The following MAP2K5 variants were observed in gnomAD, a reference collection of about 807,000 sequenced individuals.
The protein encoded by MAP2K5 is dual specificity mitogen-activated protein kinase kinase 5.
In MAP2K5, 49 loss-of-function variants were observed where a neutral mutation model predicts 83.1. The ratio of observed to expected loss-of-function variants is 0.59; its 90% CI spans 0.47 to 0.75. The LOEUF (loss-of-function observed/expected upper bound fraction) is 0.75, where lower values mean the gene tolerates loss of function less well. MAP2K5 is among the 30% of genes least tolerant of loss of function. The probability of loss-of-function intolerance (pLI) is 0.00; values close to 1 mark genes in which losing one functional copy is unlikely to be tolerated. For missense variants in MAP2K5, 457 were observed against 557.5 expected, an observed-to-expected ratio of 0.82 and a Z score of 1.82; for synonymous variants, 202 against 191.8, an observed-to-expected ratio of 1.05 and a Z score of -0.44.
intron 15 of MAP2K5, among the ~76,000 whole-genome samples, chr15:67,700,146 G>A (rs920575544): frequency 7.2e-5 from 11 of 152,078 alleles, no homozygotes; most frequent in East Asian, 1.9e-4. Flanking sequence ...GACAAATATC[G>A]TTGTAAACAG....
At chr15:67,603,310 A>C (rs1296918524) in intron 8 of MAP2K5, among the ~76,000 whole-genome samples, 1 of 152,218 alleles carries the variant, frequency 6.6e-6, no homozygotes. Context: ...ACTATGTCAA[A>C]GGGACCATTC....
intron 7 of MAP2K5, among the ~76,000 whole-genome samples, chr15:67,596,454 A>AG (rs1276831602): frequency 6.6e-6 from 1 of 152,220 alleles, no homozygotes; most frequent in Non-Finnish European, 1.5e-5. Context: ...TTTTGTATAT[A>AG]GAAAAAAAAG....
At chr15:67,606,245 A>T (rs1019938117) in intron 8 of MAP2K5, among the ~76,000 whole-genome samples, 24 of 152,068 alleles carry the variant, frequency 1.6e-4, no homozygotes, top group Non-Finnish European at 2.8e-4. Context: ...CTTTTATATT[A>T]TTTTTTCCTT....
intron 9 of MAP2K5, chr15:67,642,644 G>A (rs1729044170): frequency 1.5e-6 from 1 of 650,086 alleles, no homozygotes; most frequent in Admixed American, 2.4e-5. Context: ...GGAAAGCACA[G>A]GATATGTGTG....
chr15:67,720,741 A>T lies in MAP2K5; in HGVS notation c.1045-7175A>T, dbSNP rs17243334. On this transcript the variant is annotated intron_variant, in intron 16 of 21. Coordinates refer to ENST00000178640, the MANE Select transcript of MAP2K5 (RefSeq NM_145160.3). This position sits in a 1 kb window ranked among gnomAD's most constrained non-coding sequence, Gnocchi z 5.7. The stretch of plus-strand genomic sequence containing the variant: ...GACCATAACTTCCAGTAATTAGTGT[A>T]TTTTATGGGCCTTTGCTTCAGTGGC... Among the ~76,000 whole-genome samples, 1 of 152,114 alleles carries T rather than the reference A, an allele frequency of 6.6e-6. No homozygotes were observed. The highest frequency in any genetic ancestry group is 1.9e-4 in the East Asian group (1 of 5,180).
rs1231361470 is a variant in MAP2K5, at chr15:67,653,286, TA to T, written c.737-5266del. 3.4e-3 allele frequency among the ~76,000 whole-genome samples: 174 copies of T among 51,622 alleles called. 1 individual carries two copies. The highest frequency in any genetic ancestry group is 0.011 in the African/African-American group (164 of 14,408). 33.9% of individuals were successfully genotyped at this position (51,622 alleles called of 152,430 possible). Reference sequence around the variant, plus strand: ...AGTTTGTCAGTTTCTCTGTTTAAAATATTTTTTTTTTTTTTTGAGACGGAGT... The same window carrying T: ...AGTTTGTCAGTTTCTCTGTTTAAAATTTTTTTTTTTTTTTTGAGACGGAGT... On this transcript the variant is annotated intron_variant, in intron 11 of 21. Coordinates refer to ENST00000178640, the MANE Select transcript of MAP2K5 (RefSeq NM_145160.3).
intron 21 of MAP2K5, among the ~76,000 whole-genome samples, chr15:67,773,665 C>G (rs2090183398): frequency 6.6e-6 from 1 of 152,174 alleles, no homozygotes; most frequent in Admixed American, 6.5e-5. Flanking sequence ...ATCATGAATG[C>G]TTTCCAGGAA....
chr15:67,703,504 C>T, intron 16 of MAP2K5, 96 bp downstream of exon 16: 1 of 1,009,576 alleles, frequency 9.9e-7, no homozygotes. Flanking sequence ...TAAAATAAAC[C>T]TTCAGCATGT....
rs1369169564 is a variant in MAP2K5 at position 67,638,595 on chromosome 15, G to A, written c.586-7636G>A. Among the ~76,000 whole-genome samples the A allele has an allele frequency of 6.6e-6, 1 of 152,152 alleles. No individual in the cohort carries two copies. The highest frequency in any genetic ancestry group is 2.4e-5 in the African/African-American group (1 of 41,438). ...TCATTTGGGTATATACCCAGTAATGGGATTGCTGGGTCAAATGGTATTTCT... is the reference window on the plus strand; with the variant it reads ...TCATTTGGGTATATACCCAGTAATGAGATTGCTGGGTCAAATGGTATTTCT... On this transcript the variant is annotated intron_variant, in intron 9 of 21. Transcript: ENST00000178640. This position sits in a 1 kb window ranked among gnomAD's most constrained non-coding sequence, Gnocchi z 4.5.
intron 21 of MAP2K5, among the ~76,000 whole-genome samples, chr15:67,798,596 C>T (rs987592936): frequency 1.3e-5 from 2 of 152,194 alleles, no homozygotes; most frequent in Admixed American, 1.3e-4. Context: ...GCCTATTACT[C>T]TGTGTAGAAA....
At chr15:67,745,074 T>A (rs1328972000) in intron 17 of MAP2K5, among the ~76,000 whole-genome samples, 2 of 152,064 alleles carry the variant, frequency 1.3e-5, no homozygotes, top group Admixed American at 1.3e-4. Context: ...GGTTCATCTA[T>A]CAAAATGCAA....
At chr15:67,797,232 G>A (rs2090620425) in intron 21 of MAP2K5, among the ~76,000 whole-genome samples, 1 of 152,180 alleles carries the variant, frequency 6.6e-6, no homozygotes, top group Non-Finnish European at 1.5e-5. Flanking sequence ...AATCATTACT[G>A]CAGTTGTGGC....
intron 15 of MAP2K5, among the ~76,000 whole-genome samples, chr15:67,694,024 G>T (rs892165087): frequency 6.6e-6 from 1 of 151,936 alleles, no homozygotes; most frequent in Non-Finnish European, 1.5e-5. Flanking sequence ...AAAGGTTTAG[G>T]GGGCAGTTTT....
At chr15:67,670,659 A>G (rs1340500125) in intron 13 of MAP2K5, among the ~76,000 whole-genome samples, 2 of 152,016 alleles carry the variant, frequency 1.3e-5, no homozygotes, top group Non-Finnish European at 2.9e-5. Flanking sequence ...GGTTCCTGAC[A>G]AATCCTACCT....
At position 67,777,959 on chromosome 15, in the gene MAP2K5, A is replaced by G. The variant is rs1476317892; in HGVS notation, c.1242+5207A>G. Among the ~76,000 whole-genome samples, 1 of 152,240 alleles carries G rather than the reference A, an allele frequency of 6.6e-6. No homozygotes were observed. The highest frequency in any genetic ancestry group is 1.5e-5 in the Non-Finnish European group (1 of 68,046). The stretch of plus-strand genomic sequence containing the variant: ...AAATAGTGGCATTAGAAATACAACA[A>G]GTTGGCATGGGTCCTAGAAGGCGGG... On this transcript the variant is annotated intron_variant, in intron 21 of 21. Coordinates refer to ENST00000178640, the MANE Select transcript of MAP2K5 (RefSeq NM_145160.3). The surrounding 1 kb of genome is among the most constrained non-coding windows in gnomAD (Gnocchi z 6.0).
intron 7 of MAP2K5, among the ~76,000 whole-genome samples, chr15:67,594,466 A>G (rs762580081): frequency 4.6e-5 from 7 of 152,204 alleles, no homozygotes; most frequent in Non-Finnish European, 8.8e-5. Flanking sequence ...AAGAAGCTTT[A>G]ACTACATTTG....
chr15:67,682,524 C>T (rs1263744042), intron 13 of MAP2K5, among the ~76,000 whole-genome samples: 1 of 150,846 alleles, frequency 6.6e-6, no homozygotes. Context: ...CGCCTGGCCC[C>T]TGGAGCTATT....
At chr15:67,549,885 G>T in intron 1 of MAP2K5, 149 bp from the exon 2 acceptor site, 1 of 617,854 alleles carries the variant, frequency 1.6e-6, no homozygotes, top group Non-Finnish European at 2.9e-6. Context: ...TACGTTGCTG[G>T]GCTAAGTGTG....
chr15:67,611,833 T>G (rs1160050015), intron 8 of MAP2K5, among the ~76,000 whole-genome samples: 1 of 152,204 alleles, frequency 6.6e-6, no homozygotes, highest in Non-Finnish European at 1.5e-5. Context: ...CCTAAGAATT[T>G]CTGCCAGCAA....
Sources: gnomAD v4.1 joint callset for allele counts (sites outside exome capture counted in the v4.1 genomes callset) on GRCh38, gnomAD v4.1.1 for gene constraint, Gnocchi (gnomAD v3.1) non-coding constraint, MANE v1.5 for transcripts, NCBI Gene and HGNC (gene_info 2026-07-23, HGNC 2026-07-21) for gene names.